Variants in SOX6 observed in about 807,000 individuals in gnomAD.
SOX6 encodes the protein transcription factor SOX-6.
A neutral mutation model predicts 97.8 loss-of-function variants in SOX6; 11 were observed. The ratio of observed to expected loss-of-function variants is 0.11; its 90% confidence interval spans 0.07 to 0.19. SOX6 has a LOEUF of 0.19. Ranked by LOEUF, SOX6 falls within the 10% of genes least tolerant of loss-of-function variation. The pLI, the probability that SOX6 is intolerant of heterozygous loss-of-function variation, is 1.00. For missense variants in SOX6, 810 were observed against 1,039.5 expected, an observed-to-expected ratio of 0.78 and a Z score of 3.04; for synonymous variants, 360 against 371.4, an observed-to-expected ratio of 0.97 and a Z score of 0.35.
At chr11:16,306,141 C>G (rs953317759) in intron 3 of SOX6, among the ~76,000 whole-genome samples, 4 of 152,122 alleles carry the variant, frequency 2.6e-5, no homozygotes, top group African/African-American at 9.7e-5. Flanking sequence ...ACAAGAGGAA[C>G]ATCAGTGAAT....
intron 1 of SOX6, among the ~76,000 whole-genome samples, chr11:16,365,343 TGTATG>T (rs1431225989): frequency 4.6e-5 from 7 of 151,414 alleles, no homozygotes; most frequent in African/African-American, 1.7e-4. Flanking sequence ...GTATGTATCT[TGTATG>T]GTATAAAATA....
chr11:16,085,960 A>G (rs545869394), intron 9 of SOX6, among the ~76,000 whole-genome samples: 1 of 152,330 alleles, frequency 6.6e-6, no homozygotes, highest in African/African-American at 2.4e-5. Context: ...AAGCCAGTAC[A>G]TAATTCAGGC....
chr11:16,421,745 C>G (rs1265507678), intron 1 of SOX6, among the ~76,000 whole-genome samples: 1 of 152,136 alleles, frequency 6.6e-6, no homozygotes, highest in East Asian at 1.9e-4. Flanking sequence ...TTTTAGTTAT[C>G]TTAGGTCACA....
At chr11:16,278,301 C>T (rs953940159) in intron 3 of SOX6, among the ~76,000 whole-genome samples, 1 of 152,024 alleles carries the variant, frequency 6.6e-6, no homozygotes, top group African/African-American at 2.4e-5. Flanking sequence ...TTATTACCTA[C>T]CTGAGAGCAT....
At chr11:16,266,439 A>G (rs904306194) in intron 3 of SOX6, among the ~76,000 whole-genome samples, 2 of 151,734 alleles carry the variant, frequency 1.3e-5, no homozygotes, top group African/African-American at 4.8e-5. Context: ...AAATCCATCA[A>G]GCAAAAAAAT....
intron 6 of SOX6, among the ~76,000 whole-genome samples, chr11:16,173,257 C>T (rs901297925): frequency 1.3e-5 from 2 of 151,864 alleles, no homozygotes; most frequent in African/African-American, 2.4e-5. Flanking sequence ...GTCCACTGGT[C>T]TTTGAGAGGG....
intron 8 of SOX6, among the ~76,000 whole-genome samples, chr11:16,096,790 T>C (rs1848808618): frequency 6.6e-6 from 1 of 151,926 alleles, no homozygotes. Flanking sequence ...AATAAAACTT[T>C]CTACTATATT....
At chr11:16,038,874 T>G (rs1276043983) in intron 12 of SOX6, among the ~76,000 whole-genome samples, 1 of 152,018 alleles carries the variant, frequency 6.6e-6, no homozygotes, top group South Asian at 2.1e-4. Flanking sequence ...CCCTGAAAAA[T>G]TACTGAGTTC....
intron 3 of SOX6, among the ~76,000 whole-genome samples, chr11:16,244,565 T>C (rs1329641765): frequency 1.3e-5 from 2 of 151,772 alleles, no homozygotes; most frequent in East Asian, 3.8e-4. Flanking sequence ...TAGAGTTTAG[T>C]TTTATATTTA....
chr11:16,640,879 T>C (rs1848899755), intron 3 of SOX6, among the ~76,000 whole-genome samples: 1 of 152,184 alleles, frequency 6.6e-6, no homozygotes, highest in African/African-American at 2.4e-5. Flanking sequence ...ATTCATTGAT[T>C]TTTTAAGGGT....
At chr11:16,677,632 T>C (rs1465385254) in intron 3 of SOX6, among the ~76,000 whole-genome samples, 1 of 152,238 alleles carries the variant, frequency 6.6e-6, no homozygotes, top group Non-Finnish European at 1.5e-5. Flanking sequence ...CTAAATTTTT[T>C]AATTTGTTTT....
chr11:16,044,120 C>A (rs930856380), intron 12 of SOX6, among the ~76,000 whole-genome samples: 4 of 151,844 alleles, frequency 2.6e-5, no homozygotes, highest in Non-Finnish European at 5.9e-5. Flanking sequence ...TTTGTCTTCT[C>A]CCTTCCCTTA....
At chr11:15,985,404 G>A (rs546636559) in intron 15 of SOX6, among the ~76,000 whole-genome samples, 1 of 152,184 alleles carries the variant, frequency 6.6e-6, no homozygotes, top group African/African-American at 2.4e-5. Context: ...TCCCTACTCT[G>A]AGTCCAGCTG....
intron 1 of SOX6, among the ~76,000 whole-genome samples, chr11:16,390,830 T>C (rs1246651451): frequency 1.3e-5 from 2 of 152,122 alleles, no homozygotes; most frequent in East Asian, 3.9e-4. Flanking sequence ...GACACAGCAA[T>C]CCCATTACTG....
intron 8 of SOX6, among the ~76,000 whole-genome samples, chr11:16,096,906 T>C (rs1382287499): frequency 6.6e-6 from 1 of 151,840 alleles, no homozygotes; most frequent in Admixed American, 6.6e-5. Flanking sequence ...CAAATATACA[T>C]TCATATTCAA....
At chr11:16,626,506 GGTT>G (rs1240753088) in intron 3 of SOX6, among the ~76,000 whole-genome samples, 2 of 151,970 alleles carry the variant, frequency 1.3e-5, no homozygotes, top group Non-Finnish European at 2.9e-5. Flanking sequence ...TATTCTTTTT[GGTT>G]GTTGTTATTT....
intron 3 of SOX6, among the ~76,000 whole-genome samples, chr11:16,260,866 T>G (rs1160712292): frequency 6.6e-6 from 1 of 152,140 alleles, no homozygotes; most frequent in East Asian, 1.9e-4. Flanking sequence ...CTCACCACTC[T>G]CTACTCTCTC....
At chr11:16,446,664 T>C (rs974302572) in intron 1 of SOX6, among the ~76,000 whole-genome samples, 2 of 152,118 alleles carry the variant, frequency 1.3e-5, no homozygotes, top group African/African-American at 4.8e-5. Flanking sequence ...TCAATAAACA[T>C]AGTTATTATA....
intron 7 of SOX6, among the ~76,000 whole-genome samples, chr11:16,101,042 T>C (rs1848933016): frequency 6.6e-6 from 1 of 151,700 alleles, no homozygotes; most frequent in Non-Finnish European, 1.5e-5. Flanking sequence ...AATTATTGTG[T>C]GCCAGCATCA....
Sources: gnomAD v4.1 joint callset for allele counts (sites outside exome capture counted in the v4.1 genomes callset) on GRCh38, gnomAD v4.1.1 for gene constraint, MANE v1.5 for transcripts, NCBI Gene and HGNC (gene_info 2026-07-23, HGNC 2026-07-21) for gene names.